ENO2: variants seen among roughly 807,000 people sequenced by gnomAD.
ENO2 encodes the protein gamma-enolase.
ENO2 carries 19 observed loss-of-function variants against 48.7 expected under a neutral mutation model. That is an observed-to-expected ratio of 0.39 (90% CI 0.27 to 0.57). The LOEUF is 0.57. Among genes scored for constraint, ENO2 ranks in the 20% least tolerant of loss-of-function variants. The pLI, the probability that ENO2 is intolerant of heterozygous loss-of-function variation, is 0.58. For synonymous variants in ENO2, 198 were observed against 213.4 expected (o/e 0.93, Z 0.63); for missense variants, 416 against 555.0 (o/e 0.75, Z 2.52).
At chr12:6,915,448 C>G (rs1945280507) in intron 1 of ENO2, 4 of 220,156 alleles carry the variant, frequency 1.8e-5, no homozygotes, top group Admixed American at 1.5e-4. Context: ...GAAATGCAAG[C>G]CTGGCAGCCA....
At position 6,922,965 on chromosome 12, in the gene ENO2, GTC is replaced by G; in HGVS notation, c.*169_*170del. ...TCCTTGGCTTACCTGACCTCTTGCTGTCTCTGCTCGCCCTCCTTTCTGTGCCC... is the reference window on the plus strand; with the variant it reads ...TCCTTGGCTTACCTGACCTCTTGCTGTCTGCTCGCCCTCCTTTCTGTGCCC... On this transcript the variant is annotated 3_prime_UTR_variant, in exon 12 of 12. Transcript: ENST00000229277. This position sits in a 1 kb window ranked among gnomAD's most constrained non-coding sequence, Gnocchi z 5.3. 1 of 658,714 alleles carries G rather than the reference GTC, an allele frequency of 1.5e-6. No homozygotes were observed. The highest frequency in any genetic ancestry group is 1.8e-5 in the South Asian group (1 of 57,010). The allele number at this position is 658,714 out of a possible 1,614,324, so 40.8% of individuals were successfully genotyped here.
At chr12:6,915,693 T>TCCCCC in intron 1 of ENO2, 128 bp from the exon 2 acceptor site, 1 of 342,200 alleles carries the variant, frequency 2.9e-6, no homozygotes, top group Admixed American at 3.2e-5. Flanking sequence ...AGCGCCTCCC[T>TCCCCC]ACCCACCCCC....
In ENO2 at chr12:6,922,586, A is replaced by G; in HGVS notation, c.1236-145A>G. On this transcript the variant is annotated intron_variant, in intron 11 of 11. Coordinates refer to ENST00000229277, the MANE Select transcript of ENO2 (RefSeq NM_001975.3). This position sits in a 1 kb window ranked among gnomAD's most constrained non-coding sequence, Gnocchi z 5.3. Reference sequence around the variant, plus strand: ...CTGATTGACAAATCCCAGAGATCACATGGGAAAGCCAGGGAATGCTAAGCC... The same window carrying G: ...CTGATTGACAAATCCCAGAGATCACGTGGGAAAGCCAGGGAATGCTAAGCC... 2 of 1,271,736 alleles carry G rather than the reference A, an allele frequency of 1.6e-6. No homozygotes were observed. Among genetic ancestry groups the G allele is most frequent in the Non-Finnish European group, 2.3e-6 (2 of 883,226 alleles). 78.8% of individuals were successfully genotyped at this position (1,271,736 alleles called of 1,614,324 possible). A position where few individuals can be genotyped will look rare whatever the true frequency, so the allele number is the denominator to read the frequency against.
chr12:6,918,146 C>T lies in ENO2; in HGVS notation c.651C>T (p.Ile217=), dbSNP rs1945308802. 1 of 1,614,108 alleles carries T rather than the reference C, an allele frequency of 6.2e-7. No homozygotes were observed. Among genetic ancestry groups the T allele is most frequent in the Admixed American group, 1.7e-5 (1 of 60,018 alleles). ...VGDEGGFAPN[I]LENSEALELV... ...ATGAAGGTGGCTTTGCCCCCAATAT[C>T]CTGGAGAACAGTGAAGGTGAGGCCA... The change falls in exon 7 of 12, where the codon ATC becomes ATT. Residue 217 remains isoleucine (I), a synonymous_variant. Transcript: ENST00000229277.
chr12:6,922,920 T>C lies in ENO2; in HGVS notation c.*120T>C, dbSNP rs147851899. The C allele has an allele frequency of 2.4e-5, 25 of 1,035,496 alleles. No individual in the cohort carries two copies. In the Middle Eastern group the frequency reaches 1.0e-3, roughly 42 times the overall value. 64.1% of individuals were successfully genotyped at this position (1,035,496 alleles called of 1,614,324 possible). A position where few individuals can be genotyped will look rare whatever the true frequency, so the allele number is the denominator to read the frequency against. On this transcript the variant is annotated 3_prime_UTR_variant, in exon 12 of 12. Coordinates refer to ENST00000229277, the MANE Select transcript of ENO2 (RefSeq NM_001975.3). This position sits in a 1 kb window ranked among gnomAD's most constrained non-coding sequence, Gnocchi z 5.3. ...AGCCCCAGGGTGCCCAGAACTTCCCTGATTGACCTGCTCCGCTGCTCCTTG... is the reference window on the plus strand; with the variant it reads ...AGCCCCAGGGTGCCCAGAACTTCCCCGATTGACCTGCTCCGCTGCTCCTTG...
At position 6,916,021 on chromosome 12, in the gene ENO2, G is replaced by A. The variant is rs1555141563; in HGVS notation, c.85+104G>A. ...CTTTTTTGATACCCAGGGGTATGGG[G>A]TGCTGGGCCAGGCTCACAAGCCTGG... On this transcript the variant is annotated intron_variant, in intron 2 of 11. Coordinates refer to ENST00000229277, the MANE Select transcript of ENO2 (RefSeq NM_001975.3). The surrounding 1 kb of genome is among the most constrained non-coding windows in gnomAD (Gnocchi z 4.5). 1.7e-6 allele frequency: 2 copies of A among 1,205,712 alleles called. No individual in the cohort carries two copies. Among genetic ancestry groups the A allele is most frequent in the Non-Finnish European group, 2.4e-6 (2 of 826,236 alleles). The allele number at this position is 1,205,712 out of a possible 1,614,324, so 74.7% of individuals were successfully genotyped here. A position where few individuals can be genotyped will look rare whatever the true frequency, so the allele number is the denominator to read the frequency against.
intron 5 of ENO2, chr12:6,917,349 T>C: frequency 1.4e-6 from 1 of 707,376 alleles, no homozygotes; most frequent in Non-Finnish European, 2.3e-6. Context: ...GTCTGTGGTC[T>C]CAGGGATATT....
rs1456948599 is a variant in ENO2 at position 6,918,064 on chromosome 12, A to G, written c.569A>G (p.His190Arg). 1.9e-6 allele frequency: 3 copies of G among 1,614,086 alleles called. No homozygotes were observed. Among genetic ancestry groups the G allele is most frequent in the African/African-American group, 1.3e-5 (1 of 74,938 alleles). The change falls in exon 7 of 12, where the codon CAT becomes CGT. Residue 190 changes from histidine to arginine, a missense_variant. Physicochemically the swap from His to Arg is conservative, Grantham distance 29 (BLOSUM62 0). Coordinates refer to ENST00000229277, the MANE Select transcript of ENO2 (RefSeq NM_001975.3). ...DAMRLGAEVY[H>R]TLKGVIKDKY... is the part of the protein sequence containing the mutation. The stretch of plus-strand genomic sequence containing the variant: ...ATGCGACTAGGTGCAGAGGTCTACC[A>G]TACACTCAAGGGAGTCATCAAGGAC...
rs1565560111 is a variant in ENO2 at position 6,921,963 on chromosome 12, C to A, written c.1068-93C>A. The A allele has an allele frequency of 4.5e-6, 7 of 1,561,432 alleles. No individual in the cohort carries two copies. In the Middle Eastern group the frequency reaches 8.4e-4, roughly 188 times the overall value. On this transcript the variant is annotated intron_variant, in intron 9 of 11. Transcript: ENST00000229277. Reference sequence around the variant, plus strand: ...CTCTGCTCCCCTCCCAGATAGCTTTCCCCTAGATGTTTCCTGACATAGACC... The same window carrying A: ...CTCTGCTCCCCTCCCAGATAGCTTTACCCTAGATGTTTCCTGACATAGACC...
Position 6,916,498 on chromosome 12 carries a change from G to GTT in ENO2, c.168_169dup (p.Tyr57PhefsTer3). 6.2e-7 allele frequency: 1 copy of GTT among 1,614,048 alleles called. No individual in the cohort carries two copies. Among genetic ancestry groups the GTT allele is most frequent in the East Asian group, 2.2e-5 (1 of 44,884 alleles). On this transcript the variant is annotated frameshift_variant, in exon 3 of 12. Transcript: ENST00000229277. LOFTEE classifies it high-confidence loss of function. The surrounding 1 kb of genome is among the most constrained non-coding windows in gnomAD (Gnocchi z 4.5). Reference sequence around the variant, plus strand: ...GAGCTGAGGGATGGAGACAAACAGCGTTACTTAGGCAAAGGTGAGGTCCCT... The same window carrying GTT: ...GAGCTGAGGGATGGAGACAAACAGCGTTTTACTTAGGCAAAGGTGAGGTCCCT...
In ENO2 at chr12:6,918,993, A is replaced by G. The variant is rs782812113; in HGVS notation, c.668-573A>G. ...CGAGACTCCGTCTCAAAAAAAAAAA[A>G]AAAAAAAAAAGTTGTCACTGGAGCC... On this transcript the variant is annotated intron_variant, in intron 7 of 11. Transcript: ENST00000229277. Among the ~76,000 whole-genome samples, 489 of 148,822 alleles carry G rather than the reference A, an allele frequency of 3.3e-3. 6 individuals carry two copies. Among genetic ancestry groups the G allele is most frequent in the African/African-American group, 0.012 (472 of 40,242 alleles).
rs782689188 is a variant in ENO2 at position 6,918,631 on chromosome 12, G to A, written c.667+469G>A. ...TGGGATTACAAGCGTGAGCCACCAC[G>A]CCTGGCCAGGGGACAGTCTTTTACC... is the stretch of plus-strand genomic sequence containing the variant. On this transcript the variant is annotated intron_variant, in intron 7 of 11. Transcript: ENST00000229277. Among the ~76,000 whole-genome samples the A allele has an allele frequency of 1.1e-4, 17 of 149,806 alleles. No homozygotes were observed. The South Asian group carries it at 3.5e-3, about 31-fold the overall frequency.
At position 6,916,040 on chromosome 12, in the gene ENO2, A is replaced by G; in HGVS notation, c.85+123A>G. On this transcript the variant is annotated intron_variant, in intron 2 of 11. Transcript: ENST00000229277. The surrounding 1 kb of genome is among the most constrained non-coding windows in gnomAD (Gnocchi z 4.5). ...TATGGGGTGCTGGGCCAGGCTCACA[A>G]GCCTGGGTTGTGGCGGTTGGATCCT... 9.9e-7 allele frequency: 1 copy of G among 1,007,272 alleles called. No individual in the cohort carries two copies. Among genetic ancestry groups the G allele is most frequent in the East Asian group, 2.5e-5 (1 of 39,878 alleles). 62.4% of individuals were successfully genotyped at this position (1,007,272 alleles called of 1,614,324 possible). A position where few individuals can be genotyped will look rare whatever the true frequency, so the allele number is the denominator to read the frequency against.
rs2138191475 is a variant in ENO2 at position 6,923,048 on chromosome 12, A to C, written c.*248A>C. 3 of 483,756 alleles carry C rather than the reference A, an allele frequency of 6.2e-6. No homozygotes were observed. In the South Asian group the frequency reaches 7.5e-5, roughly 12 times the overall value. The allele number at this position is 483,756 out of a possible 1,614,324, so 30.0% of individuals were successfully genotyped here. On this transcript the variant is annotated 3_prime_UTR_variant, in exon 12 of 12. Coordinates refer to ENST00000229277, the MANE Select transcript of ENO2 (RefSeq NM_001975.3). Reference sequence around the variant, plus strand: ...TTCCTTTCTCTTTCTCTCTTCCCTCAGAAACTAGAAATGTGAATGAGGATT... The same window carrying C: ...TTCCTTTCTCTTTCTCTCTTCCCTCCGAAACTAGAAATGTGAATGAGGATT...
rs1945345345 is a variant in ENO2, at chr12:6,921,996, G to T, written c.1068-60G>T. The T allele has an allele frequency of 1.9e-6, 3 of 1,603,654 alleles. No individual in the cohort carries two copies. In the South Asian group the frequency reaches 3.3e-5, roughly 18 times the overall value. On this transcript the variant is annotated intron_variant, in intron 9 of 11. Coordinates refer to ENST00000229277, the MANE Select transcript of ENO2 (RefSeq NM_001975.3). Reference sequence around the variant, plus strand: ...TGTTTCCTGACATAGACCAAGGTTGGGGCTGGGAAGAGAGTGCCCAGTGTG... The same window carrying T: ...TGTTTCCTGACATAGACCAAGGTTGTGGCTGGGAAGAGAGTGCCCAGTGTG...
chr12:6,916,666 C>G lies in ENO2; in HGVS notation c.182-5C>G, dbSNP rs376819973. 5 of 1,614,068 alleles carry G rather than the reference C, an allele frequency of 3.1e-6. No individual in the cohort carries two copies. The African/African-American group carries it at 6.7e-5, about 22-fold the overall frequency. On this transcript the variant is annotated splice_region_variant and splice_polypyrimidine_tract_variant and intron_variant, in intron 3 of 11. Transcript: ENST00000229277. The surrounding 1 kb of genome is among the most constrained non-coding windows in gnomAD (Gnocchi z 4.5). ...CGACCCAGTCCAGCCTCTTCCTTTC[C>G]CCAGGTGTCCTGAAGGCAGTGGACC...
rs782370602 is a variant in ENO2 at position 6,922,795 on chromosome 12, C to T, written c.1300C>T (p.Leu434=). 14 of 1,613,972 alleles carry T rather than the reference C, an allele frequency of 8.7e-6. No individual in the cohort carries two copies. The highest frequency in any genetic ancestry group is 1.3e-5 in the African/African-American group (1 of 74,898). The change falls in exon 12 of 12, where the codon CTG becomes TTG. Residue 434 remains leucine (L), a synonymous_variant. Transcript: ENST00000229277. The surrounding 1 kb of genome is among the most constrained non-coding windows in gnomAD (Gnocchi z 5.3). ...AGHNFRNPSV[L] Reference sequence around the variant, plus strand: ...ACATAACTTCCGTAATCCCAGTGTGCTGTGATTCCTCTGCTTGCCTGGAGA... The same window carrying T: ...ACATAACTTCCGTAATCCCAGTGTGTTGTGATTCCTCTGCTTGCCTGGAGA...
chr12:6,916,750 G>A lies in ENO2; in HGVS notation c.240+21G>A. ...GCTCAGTGAGGCCTGCTCTTTGCTG[G>A]GGATAGCAGGGCCAGAGTTCTGGAA... is the stretch of plus-strand genomic sequence containing the variant. On this transcript the variant is annotated intron_variant, in intron 4 of 11. Transcript: ENST00000229277. This position sits in a 1 kb window ranked among gnomAD's most constrained non-coding sequence, Gnocchi z 4.5. The A allele has an allele frequency of 1.2e-6, 2 of 1,613,928 alleles. No homozygotes were observed. The highest frequency in any genetic ancestry group is 1.7e-6 in the Non-Finnish European group (2 of 1,179,898).
chr12:6,917,860 A>G, intron 6 of ENO2, 80 bp from the exon 7 acceptor site: 6 of 1,236,756 alleles, frequency 4.9e-6, no homozygotes, highest in Admixed American at 1.9e-5. Context: ...AGCTGGGGGA[A>G]GTTTGGGATC....
Sources: gnomAD v4.1 joint callset for allele counts (sites outside exome capture counted in the v4.1 genomes callset) on GRCh38, gnomAD v4.1.1 for gene constraint, Gnocchi (gnomAD v3.1) non-coding constraint, MANE v1.5 for transcripts, NCBI Gene and HGNC (gene_info 2026-07-23, HGNC 2026-07-21) for gene names.